Variants in GSDME observed in about 807,000 individuals in gnomAD.
GSDME encodes the protein gasdermin-E.
GSDME carries 44 observed loss-of-function variants against 47.5 expected under a neutral mutation model. The ratio of observed to expected loss-of-function variants is 0.93; its 90% CI spans 0.73 to 1.19. The LOEUF is 1.19. Ranked by LOEUF, GSDME falls within the 50% of genes most tolerant of loss-of-function variation. The pLI is 0.00. For missense variants in GSDME, 663 were observed against 604.2 expected (o/e 1.10, Z -1.02); for synonymous variants, 258 against 252.8 (o/e 1.02, Z -0.20).
chr7:24,763,419 AAAC>A, the GSDME span, among the ~76,000 whole-genome samples: 1 of 151,736 alleles, frequency 6.6e-6, no homozygotes, highest in South Asian at 2.1e-4. This position sits in a 1 kb window ranked among gnomAD's most constrained non-coding sequence, Gnocchi z 4.3. Context: ...GATCCAACTC[AAAC>A]ACTGCAATGT....
rs1346221659 is a variant in GSDME at position 24,732,685 on chromosome 7, C to T, written c.404+11877G>A. 1.3e-5 allele frequency among the ~76,000 whole-genome samples: 2 copies of T among 152,206 alleles called. No individual in the cohort carries two copies. Among genetic ancestry groups the T allele is most frequent in the Non-Finnish European group, 2.9e-5 (2 of 68,034 alleles). ...GGAACTCAGTGCTGCCAACACCGGG[C>T]AGAACTCAGCCAGCGCCCACTGAGG... On this transcript the variant is annotated intron_variant, in intron 3 of 9. Transcript: ENST00000645220. The surrounding 1 kb of genome is among the most constrained non-coding windows in gnomAD (Gnocchi z 4.8).
chr7:24,746,744 C>T (rs1790680673), intron 2 of GSDME, among the ~76,000 whole-genome samples: 4 of 152,180 alleles, frequency 2.6e-5, no homozygotes, highest in Non-Finnish European at 5.9e-5. Flanking sequence ...CATTTGTGCA[C>T]ACTTCTGCAT....
chr7:24,740,352 A>G (rs1018347852), intron 3 of GSDME, among the ~76,000 whole-genome samples: 1 of 151,986 alleles, frequency 6.6e-6, no homozygotes, highest in Non-Finnish European at 1.5e-5. Context: ...GAAAGAATGA[A>G]TAAGATCTAG....
the GSDME span, among the ~76,000 whole-genome samples, chr7:24,765,789 A>G: frequency 6.6e-6 from 1 of 152,242 alleles, no homozygotes; most frequent in South Asian, 2.1e-4. Context: ...TGGATTGCTT[A>G]TTTTTGTCCA....
At position 24,744,690 on chromosome 7, in the gene GSDME, C is replaced by T; in HGVS notation, c.276G>A (p.Leu92=). 6.2e-7 allele frequency: 1 copy of T among 1,614,162 alleles called. No individual in the cohort carries two copies. The highest frequency in any genetic ancestry group is 8.5e-7 in the Non-Finnish European group (1 of 1,180,040). ...GKFANHVSGT[L]ETALGKVKLN... is the part of the protein sequence containing the mutation. ...GCTTGACCTTCCCCAGTGCAGTCTC[C>T]AGGGTTCCACTCACGTGGTTTGCAA... The change falls in exon 3 of 10, where the codon CTG becomes CTA. Residue 92 remains leucine (L), a synonymous_variant. Coordinates refer to ENST00000645220, the MANE Select transcript of GSDME (RefSeq NM_001127453.2). This position sits in a 1 kb window ranked among gnomAD's most constrained non-coding sequence, Gnocchi z 4.5.
At position 24,735,440 on chromosome 7, in the gene GSDME, C is replaced by G. The variant is rs1297663331; in HGVS notation, c.404+9122G>C. Among the ~76,000 whole-genome samples the G allele has an allele frequency of 6.6e-6, 1 of 152,058 alleles. No homozygotes were observed. Among genetic ancestry groups the G allele is most frequent in the African/African-American group, 2.4e-5 (1 of 41,392 alleles). ...ACTACTCATATCTTAAGCAGAAAGA[C>G]AAAAAGATGAACCAATTAAAAATAG... On this transcript the variant is annotated intron_variant, in intron 3 of 9. Transcript: ENST00000645220. The surrounding 1 kb of genome is among the most constrained non-coding windows in gnomAD (Gnocchi z 4.4).
At position 24,716,985 on chromosome 7, in the gene GSDME, C is replaced by A. The variant is rs1172490686; in HGVS notation, c.697+269G>T. The stretch of plus-strand genomic sequence containing the variant: ...AGGTTGATGCCCAGAGGACACAGCC[C>A]AGCCCTCTACTGTGCTGGTGGAACT... On this transcript the variant is annotated intron_variant, in intron 5 of 9. Coordinates refer to ENST00000645220, the MANE Select transcript of GSDME (RefSeq NM_001127453.2). This position sits in a 1 kb window ranked among gnomAD's most constrained non-coding sequence, Gnocchi z 4.5. 4 of 485,146 alleles carry A rather than the reference C, an allele frequency of 8.2e-6. No individual in the cohort carries two copies. The highest frequency in any genetic ancestry group is 1.5e-5 in the Non-Finnish European group (4 of 263,060). The allele number at this position is 485,146 out of a possible 1,614,324, so 30.1% of individuals were successfully genotyped here. A position where few individuals can be genotyped will look rare whatever the true frequency, so the allele number is the denominator to read the frequency against.
rs1277089925 is a variant in GSDME at position 24,748,399 on chromosome 7, C to T, written c.211+1165G>A. Among the ~76,000 whole-genome samples the T allele has an allele frequency of 1.1e-4, 16 of 152,032 alleles. No individual in the cohort carries two copies. In the South Asian group the frequency reaches 3.1e-3, roughly 30 times the overall value. On this transcript the variant is annotated intron_variant, in intron 2 of 9. Coordinates refer to ENST00000645220, the MANE Select transcript of GSDME (RefSeq NM_001127453.2). ...GGTCTTGAACTCCTGACCTTGTAAT[C>T]CACCAGCCTCGGCCTCCCAAAGTGC...
At chr7:24,738,338 A>C (rs908110824) in intron 3 of GSDME, among the ~76,000 whole-genome samples, 6 of 152,200 alleles carry the variant, frequency 3.9e-5, no homozygotes, top group African/African-American at 1.4e-4. Flanking sequence ...ACAGAGAACA[A>C]TCTGAAAAAG....
chr7:24,795,507 T>C, the GSDME span, among the ~76,000 whole-genome samples: 8 of 152,134 alleles, frequency 5.3e-5, no homozygotes, highest in African/African-American at 1.9e-4. Flanking sequence ...GTGAGAGGGT[T>C]GTGACCCATT....
intron 2 of GSDME, among the ~76,000 whole-genome samples, chr7:24,749,154 G>A (rs1790772704): frequency 6.6e-6 from 1 of 152,182 alleles, no homozygotes; most frequent in Non-Finnish European, 1.5e-5. Flanking sequence ...GACAAGCAAA[G>A]AAACAGGAGA....
chr7:24,708,388 G>C, intron 6 of GSDME, 134 bp from the exon 7 acceptor site: 1 of 1,103,916 alleles, frequency 9.1e-7, no homozygotes, highest in East Asian at 2.6e-5. Context: ...GTCAGTCATG[G>C]AACTCAGAAA....
rs930313983 is a variant in GSDME, at chr7:24,749,571, C to T, written c.204G>A (p.Pro68=). ...LGDVLIEDQF[P]SPVVVESDFV... The stretch of plus-strand genomic sequence containing the variant: ...ATACCCAAGGAAACATACCTGGACT[C>T]GGAAATTGGTCTTCTATGAGTACAT... The change falls in exon 2 of 10, where the codon CCG becomes CCA. Residue 68 remains proline, a synonymous_variant. Transcript: ENST00000645220. 42 of 1,612,774 alleles carry T rather than the reference C, an allele frequency of 2.6e-5. No homozygotes were observed. Among genetic ancestry groups the T allele is most frequent in the Middle Eastern group, 1.6e-4 (1 of 6,074 alleles).
the GSDME span, among the ~76,000 whole-genome samples, chr7:24,773,557 G>C: frequency 6.6e-6 from 1 of 152,106 alleles, no homozygotes; most frequent in African/African-American, 2.4e-5. This position sits in a 1 kb window ranked among gnomAD's most constrained non-coding sequence, Gnocchi z 5.4. Context: ...CTCAGCTTCA[G>C]ATATATTATG....
chr7:24,792,583 A>C, the GSDME span, among the ~76,000 whole-genome samples: 1 of 152,264 alleles, frequency 6.6e-6, no homozygotes, highest in African/African-American at 2.4e-5. Context: ...TCAGCAATAG[A>C]GCCAGGAAAG....
At position 24,712,952 on chromosome 7, in the gene GSDME, A is replaced by G. The variant is rs992271674; in HGVS notation, c.698-2564T>C. Among the ~76,000 whole-genome samples, 1 of 150,604 alleles carries G rather than the reference A, an allele frequency of 6.6e-6. No homozygotes were observed. Among genetic ancestry groups the G allele is most frequent in the African/African-American group, 2.4e-5 (1 of 40,840 alleles). On this transcript the variant is annotated intron_variant, in intron 5 of 9. Coordinates refer to ENST00000645220, the MANE Select transcript of GSDME (RefSeq NM_001127453.2). This position sits in a 1 kb window ranked among gnomAD's most constrained non-coding sequence, Gnocchi z 4.4. ...AGAATCGTTTGAACCTGGGAGGCGG[A>G]GGTTGTGGTGAGCCAAGATCGCACC...
chr7:24,775,357 T>C, the GSDME span, among the ~76,000 whole-genome samples: 4 of 152,268 alleles, frequency 2.6e-5, no homozygotes, highest in African/African-American at 9.6e-5. Context: ...ATTTCTGTAC[T>C]ATAAAATCAG....
At chr7:24,794,544 C>G in the GSDME span, among the ~76,000 whole-genome samples, 1 of 152,108 alleles carries the variant, frequency 6.6e-6, no homozygotes, top group African/African-American at 2.4e-5. Context: ...ATCTGGGTGT[C>G]CTGATTTACC....
intron 3 of GSDME, among the ~76,000 whole-genome samples, chr7:24,729,340 G>A (rs534533305): frequency 6.6e-6 from 1 of 152,350 alleles, no homozygotes; most frequent in Admixed American, 6.5e-5. Flanking sequence ...CCACATTCAG[G>A]CTCCTCAGTT....
Sources: allele counts gnomAD v4.1 joint callset (sites outside exome capture counted in the v4.1 genomes callset), GRCh38; gene constraint gnomAD v4.1.1; non-coding constraint Gnocchi (gnomAD v3.1); transcripts MANE v1.5; gene names NCBI Gene and HGNC (gene_info 2026-07-23, HGNC 2026-07-21).